The following SNTG1 variants were observed in gnomAD, a reference collection of about 807,000 sequenced individuals.
SNTG1 encodes gamma-1-syntrophin.
SNTG1 carries 39 observed loss-of-function variants against 74.7 expected under a neutral mutation model. That is an observed-to-expected ratio of 0.52 (90% CI 0.40 to 0.68). The LOEUF is 0.68. Among genes scored for constraint, SNTG1 ranks in the 30% least tolerant of loss-of-function variants. The pLI, the probability that SNTG1 is intolerant of heterozygous loss-of-function variation, is 0.00. For synonymous variants in SNTG1, 254 were observed against 217.1 expected (o/e 1.17, Z -1.49); for missense variants, 685 against 609.5 (o/e 1.12, Z -1.30).
chr8:50,325,837 G>C (rs2090723027), intron 2 of SNTG1, among the ~76,000 whole-genome samples: 2 of 151,916 alleles, frequency 1.3e-5, no homozygotes, highest in South Asian at 4.1e-4. Flanking sequence ...AAAGCTTTTG[G>C]TTTTCTACCA....
chr8:49,914,857 T>C (rs888873222), intron 1 of SNTG1: 2 of 152,190 alleles, frequency 1.3e-5, no homozygotes, highest in South Asian at 2.1e-4. Flanking sequence ...AAAAGCATAT[T>C]GTAAGCTAGA....
intron 11 of SNTG1, among the ~76,000 whole-genome samples, chr8:50,542,527 A>G (rs952826466): frequency 1.3e-5 from 2 of 152,304 alleles, no homozygotes; most frequent in Non-Finnish European, 2.9e-5. Context: ...CATTTTGGCT[A>G]TTATGAATAT....
At chr8:50,017,685 T>C (rs957769552) in intron 1 of SNTG1, among the ~76,000 whole-genome samples, 2 of 151,878 alleles carry the variant, frequency 1.3e-5, no homozygotes, top group Non-Finnish European at 2.9e-5. Context: ...TACGTTATAA[T>C]GATGAGTCAA....
intron 9 of SNTG1, among the ~76,000 whole-genome samples, chr8:50,514,188 A>T (rs2467205): frequency 2.0e-5 from 3 of 151,708 alleles, no homozygotes; most frequent in Non-Finnish European, 4.4e-5. Context: ...TCTATACTGT[A>T]TTTCTTTTTT....
At chr8:50,437,394 T>C (rs1043431493) in intron 4 of SNTG1, among the ~76,000 whole-genome samples, 2 of 152,122 alleles carry the variant, frequency 1.3e-5, no homozygotes, top group Admixed American at 1.3e-4. Context: ...AACAAGGAAG[T>C]TTTTAACCTT....
intron 1 of SNTG1, among the ~76,000 whole-genome samples, chr8:50,057,341 G>A (rs1418361362): frequency 6.6e-6 from 1 of 152,136 alleles, no homozygotes; most frequent in Non-Finnish European, 1.5e-5. Context: ...GGGTTAGGGT[G>A]ATTATACCTT....
At chr8:50,277,362 T>C (rs1173307472) in intron 2 of SNTG1, among the ~76,000 whole-genome samples, 1 of 152,032 alleles carries the variant, frequency 6.6e-6, no homozygotes. Context: ...TATGGTTTAA[T>C]ATTCTTTTAT....
chr8:50,658,961 T>C (rs556752324), intron 15 of SNTG1, among the ~76,000 whole-genome samples: 8 of 152,074 alleles, frequency 5.3e-5, no homozygotes, highest in Non-Finnish European at 1.0e-4. Context: ...GAAAATTCAG[T>C]TGAAAGTAGT....
chr8:50,784,085 A>G (rs1357225698), intron 18 of SNTG1, among the ~76,000 whole-genome samples: 1 of 152,224 alleles, frequency 6.6e-6, no homozygotes, highest in Non-Finnish European at 1.5e-5. Context: ...TGGGCTCTTC[A>G]TAACTACTGT....
chr8:50,301,712 TTTG>T (rs1239842434), intron 2 of SNTG1, among the ~76,000 whole-genome samples: 1 of 152,172 alleles, frequency 6.6e-6, no homozygotes, highest in Non-Finnish European at 1.5e-5. Flanking sequence ...GATTGCCATT[TTTG>T]TTGTTTTTCT....
intron 2 of SNTG1, among the ~76,000 whole-genome samples, chr8:50,222,534 G>A (rs779842570): frequency 1.3e-5 from 2 of 152,152 alleles, no homozygotes; most frequent in Non-Finnish European, 2.9e-5. Context: ...ATATGATAAA[G>A]TGTTTTCAAC....
chr8:50,199,968 T>G (rs762526933), intron 2 of SNTG1, among the ~76,000 whole-genome samples: 34 of 151,656 alleles, frequency 2.2e-4, no homozygotes, highest in Non-Finnish European at 4.7e-4. Flanking sequence ...AGGCAAGGAG[T>G]GCAATTAGCT....
chr8:50,288,002 G>C (rs758384999), intron 2 of SNTG1, among the ~76,000 whole-genome samples: 3 of 151,884 alleles, frequency 2.0e-5, no homozygotes, highest in Non-Finnish European at 2.9e-5. Flanking sequence ...TTTCTCCCTT[G>C]CTCCCCTCCA....
intron 16 of SNTG1, among the ~76,000 whole-genome samples, chr8:50,707,715 C>CTTTT (rs1365963324): frequency 6.6e-6 from 1 of 151,608 alleles, no homozygotes; most frequent in Non-Finnish European, 1.5e-5. Context: ...CTCTTTGTCT[C>CTTTT]TATTTCTCTC....
rs553437817 is a variant in SNTG1, at chr8:50,474,382, A to C, written c.363+23653A>C. On this transcript the variant is annotated intron_variant, in intron 8 of 18. Transcript: ENST00000642720. ...ATGAACTCAAACAAATTTACAAGAA[A>C]AAAAAAAAACAACCCCATCAAAAAG... is the stretch of plus-strand genomic sequence containing the variant. Among the ~76,000 whole-genome samples, 38 of 151,924 alleles carry C rather than the reference A, an allele frequency of 2.5e-4. 1 individual carries two copies. The highest frequency in any genetic ancestry group is 7.2e-4 in the Admixed American group (11 of 15,244).
intron 1 of SNTG1, among the ~76,000 whole-genome samples, chr8:50,112,025 A>C (rs2080613100): frequency 1.3e-5 from 2 of 152,158 alleles, no homozygotes; most frequent in Non-Finnish European, 2.9e-5. Flanking sequence ...TATTTTATCA[A>C]ACTTGAAAAT....
chr8:49,957,106 A>G (rs1163275207), intron 1 of SNTG1, among the ~76,000 whole-genome samples: 2 of 152,182 alleles, frequency 1.3e-5, no homozygotes, highest in South Asian at 2.1e-4. Context: ...GCTCTAACAA[A>G]AGTAGCATAG....
intron 17 of SNTG1, among the ~76,000 whole-genome samples, chr8:50,711,093 G>T (rs1378227141): frequency 6.6e-6 from 1 of 152,158 alleles, no homozygotes; most frequent in African/African-American, 2.4e-5. Context: ...AGATTCCTGG[G>T]CAACCCACTG....
At chr8:50,278,259 G>A (rs754186658) in intron 2 of SNTG1, among the ~76,000 whole-genome samples, 8 of 152,130 alleles carry the variant, frequency 5.3e-5, no homozygotes, top group Non-Finnish European at 1.2e-4. Flanking sequence ...AAGGAAAGGT[G>A]TAATTTTCTC....
Sources: gnomAD v4.1 joint callset for allele counts (sites outside exome capture counted in the v4.1 genomes callset) on GRCh38, gnomAD v4.1.1 for gene constraint, MANE v1.5 for transcripts, NCBI Gene and HGNC (gene_info 2026-07-23, HGNC 2026-07-21) for gene names.